Variants in CACNB2 observed in about 807,000 individuals in gnomAD.
The protein encoded by CACNB2 is voltage-dependent L-type calcium channel subunit beta-2.
A neutral mutation model predicts 73.3 loss-of-function variants in CACNB2; 42 were observed. That is an observed-to-expected ratio of 0.57 (90% CI 0.45 to 0.74). The LOEUF (loss-of-function observed/expected upper bound fraction) is 0.74. Ranked by LOEUF, CACNB2 falls within the 30% of genes least tolerant of loss-of-function variation. CACNB2 has a pLI of 0.00. For missense variants in CACNB2, 940 were observed against 853.0 expected (o/e 1.10, Z -1.27); for synonymous variants, 348 against 310.3 (o/e 1.12, Z -1.28).
At chr10:18,502,689 CAAAAAAAAAAAAAAAAAAA>C (rs71200974) in intron 5 of CACNB2, among the ~76,000 whole-genome samples, 17 of 73,256 alleles carry the variant, frequency 2.3e-4, no homozygotes, top group Admixed American at 4.4e-4. Flanking sequence ...GACTCCATCT[CAAAAAAAAAAAAAAAAAAA>C]AAAAAAAAAA....
intron 2 of CACNB2, among the ~76,000 whole-genome samples, chr10:18,249,234 G>A (rs1712570327): frequency 6.6e-6 from 1 of 152,142 alleles, no homozygotes; most frequent in African/African-American, 2.4e-5. Flanking sequence ...GACAGTGGGT[G>A]AACCAACTAA....
chr10:18,297,983 T>A (rs1207699137), intron 2 of CACNB2, among the ~76,000 whole-genome samples: 1 of 152,148 alleles, frequency 6.6e-6, no homozygotes, highest in Admixed American at 6.6e-5. Flanking sequence ...GCCCCCCAAG[T>A]TACTAAGTGT....
At chr10:18,242,110 C>CATGTGTGTGTATATATATGTATACAT (rs2036677384) in intron 2 of CACNB2, among the ~76,000 whole-genome samples, 1 of 150,692 alleles carries the variant, frequency 6.6e-6, no homozygotes, top group Admixed American at 6.6e-5. Flanking sequence ...TATATGTATA[C>CATGTGTGTGTATATATATGTATACAT]ATGTGTGTGT....
chr10:18,243,855 T>C (rs1234513253), intron 2 of CACNB2, among the ~76,000 whole-genome samples: 1 of 152,202 alleles, frequency 6.6e-6, no homozygotes, highest in Non-Finnish European at 1.5e-5. Flanking sequence ...TAAACCTCTT[T>C]TCTTTATAAA....
At chr10:18,204,945 C>A (rs1053885648) in intron 2 of CACNB2, among the ~76,000 whole-genome samples, 4 of 145,866 alleles carry the variant, frequency 2.7e-5, no homozygotes, top group African/African-American at 7.6e-5. Flanking sequence ...TAAAATGCTT[C>A]ACTTCTTGCT....
intron 2 of CACNB2, among the ~76,000 whole-genome samples, chr10:18,170,746 T>C (rs1021222092): frequency 6.6e-6 from 1 of 152,238 alleles, no homozygotes; most frequent in African/African-American, 2.4e-5. Context: ...GGAAAACAGT[T>C]ATGTTGGTTT....
At chr10:18,262,284 A>G (rs2037585356) in intron 2 of CACNB2, among the ~76,000 whole-genome samples, 1 of 136,194 alleles carries the variant, frequency 7.3e-6, no homozygotes, top group Non-Finnish European at 1.5e-5. Flanking sequence ...ATCTGATATG[A>G]TCTCAATAAT....
Position 18,140,642 on chromosome 10 carries a change from C to T in CACNB2, c.-95C>T. The T allele has an allele frequency of 8.8e-7, 1 of 1,139,784 alleles. No homozygotes were observed. Among genetic ancestry groups the T allele is most frequent in the South Asian group, 1.4e-5 (1 of 71,646 alleles). 70.6% of individuals were successfully genotyped at this position (1,139,784 alleles called of 1,614,324 possible). The stretch of plus-strand genomic sequence containing the variant: ...CGGCCGGGCCTGAGCCCTGGGCGGC[C>T]CCCAGAGCCGATCAGAGCGCGGGGA... On this transcript the variant is annotated 5_prime_UTR_variant, in exon 1 of 14. Transcript: ENST00000324631.
chr10:18,477,744 C>T (rs1346729831), intron 3 of CACNB2, among the ~76,000 whole-genome samples: 1 of 152,162 alleles, frequency 6.6e-6, no homozygotes, highest in Non-Finnish European at 1.5e-5. Flanking sequence ...AGGGAAGAGT[C>T]ACTTATATAT....
At chr10:18,249,706 A>T (rs1032018665) in intron 2 of CACNB2, among the ~76,000 whole-genome samples, 2 of 152,122 alleles carry the variant, frequency 1.3e-5, no homozygotes, top group Non-Finnish European at 2.9e-5. Flanking sequence ...AAATTTCTCA[A>T]GGGAATTTCA....
chr10:18,463,312 C>A (rs185996464), intron 3 of CACNB2, among the ~76,000 whole-genome samples: 9 of 152,106 alleles, frequency 5.9e-5, no homozygotes, highest in Admixed American at 5.9e-4. Flanking sequence ...TCATTTGAGC[C>A]CAGGAGTTCA....
At chr10:18,340,578 A>T in intron 2 of CACNB2, 1 of 656,102 alleles carries the variant, frequency 1.5e-6, no homozygotes, top group Non-Finnish European at 2.1e-6. Flanking sequence ...CGCATCTGAT[A>T]CTAATGAAGT....
At position 18,517,126 on chromosome 10, in the gene CACNB2, C is replaced by T. The variant is rs369243338; in HGVS notation, c.805-1210C>T. Reference sequence around the variant, plus strand: ...GCAGATGCAAAAATGACATTCATATCTGCACATCAGTGTACTGAATTCTTA... The same window carrying T: ...GCAGATGCAAAAATGACATTCATATTTGCACATCAGTGTACTGAATTCTTA... On this transcript the variant is annotated intron_variant, in intron 7 of 13. Coordinates refer to ENST00000324631, the MANE Select transcript of CACNB2 (RefSeq NM_201596.3). Among the ~76,000 whole-genome samples, 12 of 152,296 alleles carry T rather than the reference C, an allele frequency of 7.9e-5. No individual in the cohort carries two copies. In the South Asian group the frequency reaches 2.1e-3, roughly 26 times the overall value.
intron 2 of CACNB2, among the ~76,000 whole-genome samples, chr10:18,373,619 C>T (rs1284687436): frequency 3.3e-5 from 5 of 152,170 alleles, no homozygotes; most frequent in African/African-American, 9.7e-5. Context: ...CTCTTCATTG[C>T]TTTACTCTGT....
chr10:18,409,379 C>T (rs935548669), intron 3 of CACNB2, among the ~76,000 whole-genome samples: 3 of 151,726 alleles, frequency 2.0e-5, no homozygotes, highest in South Asian at 2.1e-4. Flanking sequence ...CTCAAGTAAT[C>T]CTCCTGCCTC....
intron 2 of CACNB2, among the ~76,000 whole-genome samples, chr10:18,321,575 G>C (rs1259518114): frequency 2.6e-5 from 4 of 152,166 alleles, no homozygotes; most frequent in African/African-American, 9.7e-5. Context: ...ATGCTTGGGG[G>C]CATGGACACC....
rs553689869 is a variant in CACNB2 at position 18,141,989 on chromosome 10, A to G, written c.120+1133A>G. 3.3e-5 allele frequency among the ~76,000 whole-genome samples: 5 copies of G among 152,306 alleles called. No homozygotes were observed. In the South Asian group the frequency reaches 1.0e-3, roughly 32 times the overall value. On this transcript the variant is annotated intron_variant, in intron 1 of 13. Coordinates refer to ENST00000324631, the MANE Select transcript of CACNB2 (RefSeq NM_201596.3). ...TTAATACGTAGACACACATACACACACTAGAGAGCATGTTAGAGTATCATT... is the reference window on the plus strand; with the variant it reads ...TTAATACGTAGACACACATACACACGCTAGAGAGCATGTTAGAGTATCATT...
At chr10:18,403,554 G>A (rs186113716) in intron 3 of CACNB2, among the ~76,000 whole-genome samples, 2 of 152,266 alleles carry the variant, frequency 1.3e-5, no homozygotes, top group East Asian at 3.9e-4. Context: ...ATAGACTGTA[G>A]GTTTGGTTTT....
At chr10:18,496,320 T>C (rs570644381) in intron 3 of CACNB2, among the ~76,000 whole-genome samples, 2 of 152,046 alleles carry the variant, frequency 1.3e-5, no homozygotes, top group African/African-American at 2.4e-5. Context: ...GACTAGACCA[T>C]AGTAACATCA....
Sources: allele counts gnomAD v4.1 joint callset (sites outside exome capture counted in the v4.1 genomes callset), GRCh38; gene constraint gnomAD v4.1.1; transcripts MANE v1.5; gene names NCBI Gene and HGNC (gene_info 2026-07-23, HGNC 2026-07-21).